The following NCOR2 variants were observed in gnomAD, a reference collection of about 807,000 sequenced individuals.
NCOR2 encodes CTG repeat protein 26.
NCOR2 carries 81 observed loss-of-function variants against 262.9 expected under a neutral mutation model. The observed-to-expected ratio is 0.31, with a 90% CI of 0.26 to 0.37. The LOEUF is 0.37. NCOR2 is among the 10% of genes least tolerant of loss of function. The probability of loss-of-function intolerance (pLI) is 1.00; values close to 1 mark genes in which losing one functional copy is unlikely to be tolerated. For missense variants in NCOR2, 3,385 were observed against 3,621.4 expected, an observed-to-expected ratio of 0.93 and a Z score of 1.68; for synonymous variants, 1,659 against 1,559.3, an observed-to-expected ratio of 1.06 and a Z score of -1.51.
intron 3 of NCOR2, among the ~76,000 whole-genome samples, chr12:124,474,381 T>G (rs1298290160): frequency 1.3e-5 from 2 of 151,444 alleles, no homozygotes; most frequent in Non-Finnish European, 2.9e-5. Context: ...TTTTCTGATC[T>G]TCTTTCACTG....
At chr12:124,354,054 G>A in intron 27 of NCOR2, 39 bp downstream of exon 29, 1 of 1,569,210 alleles carries the variant, frequency 6.4e-7, no homozygotes, top group Non-Finnish European at 8.7e-7. Flanking sequence ...CCCCGTGCTG[G>A]TCCCAACCGT....
chr12:124,391,940 A>G (rs1164908861), intron 16 of NCOR2, among the ~76,000 whole-genome samples: 1 of 152,212 alleles, frequency 6.6e-6, no homozygotes, highest in Non-Finnish European at 1.5e-5. Context: ...GGTCAGACAG[A>G]CCACCCCATG....
rs530578005 is a variant in NCOR2 at position 124,478,462 on chromosome 12, G to T, written c.411+5134C>A. ...GAGGCTGAAGAGCAGAGAAGCATCAGAAAACAGGAACACGGTGGGGCAGAG... is the reference window on the plus strand; with the variant it reads ...GAGGCTGAAGAGCAGAGAAGCATCATAAAACAGGAACACGGTGGGGCAGAG... On this transcript the variant is annotated intron_variant, in intron 3 of 46. Coordinates refer to ENST00000405201, the Ensembl canonical transcript of NCOR2. Among the ~76,000 whole-genome samples, 8 of 152,324 alleles carry T rather than the reference G, an allele frequency of 5.3e-5. No individual in the cohort carries two copies. In the East Asian group the frequency reaches 1.5e-3, roughly 29 times the overall value.
At chr12:124,511,926 T>A (rs1196043175) in intron 1 of NCOR2, among the ~76,000 whole-genome samples, 1 of 152,214 alleles carries the variant, frequency 6.6e-6, no homozygotes, top group Non-Finnish European at 1.5e-5. Flanking sequence ...TTATTTTTAT[T>A]TTTTTATTAT....
rs889340212 is a variant in NCOR2, at chr12:124,389,634, G to A, written c.1877-3747C>T. ...TGCCTGGCCTGATGCTGCCGAGGCT[G>A]ACCGAGCCCTCTGTCGGGGACTGTG... is the stretch of plus-strand genomic sequence containing the variant. On this transcript the variant is annotated intron_variant, in intron 16 of 46. Transcript: ENST00000405201. This position sits in a 1 kb window ranked among gnomAD's most constrained non-coding sequence, Gnocchi z 4.4. Among the ~76,000 whole-genome samples, 8 of 152,104 alleles carry A rather than the reference G, an allele frequency of 5.3e-5. No individual in the cohort carries two copies. The highest frequency in any genetic ancestry group is 1.9e-4 in the African/African-American group (8 of 41,394).
intron 1 of NCOR2, among the ~76,000 whole-genome samples, chr12:124,512,680 G>A (rs944113109): frequency 4.6e-5 from 7 of 152,100 alleles, no homozygotes; most frequent in East Asian, 1.9e-4. Flanking sequence ...AAGCCCCAGC[G>A]GAACCCCATG....
At chr12:124,340,840 G>A (rs1311482576) in intron 34 of NCOR2, 89 bp from the exon 37 acceptor site, 43 of 1,285,934 alleles carry the variant, frequency 3.3e-5, no homozygotes, top group East Asian at 1.7e-4. Flanking sequence ...GGAGAGCACG[G>A]CACACACTCC....
intron 20 of NCOR2, among the ~76,000 whole-genome samples, chr12:124,367,163 C>T (rs1418200511): frequency 6.6e-6 from 1 of 152,098 alleles, no homozygotes; most frequent in African/African-American, 2.4e-5. Flanking sequence ...GCTCCCTGTG[C>T]CTTGGTTTCC....
chr12:124,333,900 GCGCAT>G (rs1566353741), intron 41 of NCOR2, among the ~76,000 whole-genome samples: 48 of 142,680 alleles, frequency 3.4e-4, no homozygotes, highest in South Asian at 6.7e-4. Flanking sequence ...GTGTGTGCGC[GCGCAT>G]GTGTGCGGGT....
intron 38 of NCOR2, 51 bp from the exon 41 acceptor site, chr12:124,335,683 G>A (rs2035813454): frequency 2.6e-6 from 4 of 1,550,824 alleles, no homozygotes; most frequent in African/African-American, 1.4e-5. Flanking sequence ...GGGTTTCGGA[G>A]CCCGAGGGGC....
At chr12:124,335,312 T>A (rs749876333) in intron 39 of NCOR2, 32 bp from the exon 42 acceptor site, 24 of 1,544,166 alleles carry the variant, frequency 1.6e-5, no homozygotes, top group Middle Eastern at 2.3e-4. Flanking sequence ...TCAGGGGGTG[T>A]CTGCTGGCCC....
At chr12:124,399,454 C>T (rs569702405) in intron 15 of NCOR2, among the ~76,000 whole-genome samples, 1 of 152,342 alleles carries the variant, frequency 6.6e-6, no homozygotes, top group South Asian at 2.1e-4. Context: ...CCTCCAAGTA[C>T]ACCGCCACCA....
chr12:124,372,371 G>A, exon 20 of NCOR2: 1 of 1,511,728 alleles, frequency 6.6e-7, no homozygotes, highest in Non-Finnish European at 8.8e-7. Flanking sequence ...GGGACCACAG[G>A]AGGAGGTGCA....
chr12:124,429,417 T>G, intron 10 of NCOR2, 196 bp downstream of exon 12: 1 of 614,752 alleles, frequency 1.6e-6, no homozygotes, highest in Non-Finnish European at 2.9e-6. Flanking sequence ...CTCAGACACA[T>G]TAACACCCCT....
intron 1 of NCOR2, among the ~76,000 whole-genome samples, chr12:124,532,304 G>GC (rs2050844226): frequency 6.6e-6 from 1 of 152,072 alleles, no homozygotes; most frequent in South Asian, 2.1e-4. Context: ...TCCCAGAGGG[G>GC]CCCCACAGAG....
chr12:124,519,438 TG>T (rs1195924440), intron 1 of NCOR2, among the ~76,000 whole-genome samples: 2 of 152,134 alleles, frequency 1.3e-5, no homozygotes, highest in Non-Finnish European at 2.9e-5. Context: ...GACAAGGGTC[TG>T]GGGGTGCAGA....
intron 20 of NCOR2, 61 bp downstream of exon 22, chr12:124,371,961 T>C (rs2039557208): frequency 2.0e-6 from 3 of 1,473,430 alleles, no homozygotes; most frequent in South Asian, 2.7e-5. Flanking sequence ...TCTAAGTAGG[T>C]AGTCGCTGCT....
At chr12:124,496,736 C>A (rs1235582937), upstream of NCOR2, among the ~76,000 whole-genome samples, 2 of 152,120 alleles carry the variant, frequency 1.3e-5, no homozygotes, top group Non-Finnish European at 2.9e-5. This position sits in a 1 kb window ranked among gnomAD's most constrained non-coding sequence, Gnocchi z 4.4. Flanking sequence ...CCCTCCCTCC[C>A]TCCCCAGGTG....
At chr12:124,490,737 G>A (rs1003669213) in intron 1 of NCOR2, among the ~76,000 whole-genome samples, 13 of 152,226 alleles carry the variant, frequency 8.5e-5, no homozygotes, top group Admixed American at 5.2e-4. Flanking sequence ...CAGGGTCTGG[G>A]AGCCTTAGCC....
Sources: gnomAD v4.1 joint callset for allele counts (sites outside exome capture counted in the v4.1 genomes callset) on GRCh38, gnomAD v4.1.1 for gene constraint, Gnocchi (gnomAD v3.1) non-coding constraint, MANE v1.5 for transcripts, NCBI Gene and HGNC (gene_info 2026-07-23, HGNC 2026-07-21) for gene names.